The following SEC16B variants were observed in gnomAD, a reference collection of about 807,000 sequenced individuals.
The protein encoded by SEC16B is protein transport protein Sec16B.
Under a neutral mutation model 141.8 loss-of-function variants are expected in SEC16B, and 115 were observed. That is an observed-to-expected ratio of 0.81 (90% CI 0.70 to 0.95). The LOEUF (loss-of-function observed/expected upper bound fraction) is 0.95. Ranked by LOEUF, SEC16B falls within the 40% of genes least tolerant of loss-of-function variation. The pLI is 0.00. For synonymous variants in SEC16B, 493 were observed against 492.5 expected, an observed-to-expected ratio of 1.00 and a Z score of -0.01; for missense variants, 1,291 against 1,312.3, an observed-to-expected ratio of 0.98 and a Z score of 0.25.
At position 177,930,595 on chromosome 1, in the gene SEC16B, G is replaced by T. The variant is rs772309999; in HGVS notation, c.3061C>A (p.Pro1021Thr). ...CSNPGVLLPP[P>T]ALKGAVPLYN... ...AGAGGAACAGCCCCTTTTAAGGCAG[G>T]TGGAGGAAGAAGAACACCAGGGTTG... is the stretch of plus-strand genomic sequence containing the variant. Residue 1021 changes from proline (P) to threonine (T), a missense_variant, in exon 25 of 26, where the codon CCT becomes ACT. Pro to Thr is a conservative substitution (Grantham distance 38). This residue lies in a region of SEC16B where 605 missense variants were observed against 614.1 expected (regional missense o/e 0.99). Coordinates refer to ENST00000308284, the MANE Select transcript of SEC16B (RefSeq NM_033127.4). 6.2e-6 allele frequency: 10 copies of T among 1,613,848 alleles called. No individual in the cohort carries two copies. The highest frequency in any genetic ancestry group is 8.5e-6 in the Non-Finnish European group (10 of 1,179,848).
intron 12 of SEC16B, chr1:177,948,350 C>T (rs1651899759): frequency 7.7e-7 from 1 of 1,304,366 alleles, no homozygotes; most frequent in African/African-American, 1.5e-5. Context: ...CACAGCCTGT[C>T]ACAGAAGTCG....
At chr1:177,975,832 C>T (rs766614694) in intron 1 of SEC16B, among the ~76,000 whole-genome samples, 8 of 152,186 alleles carry the variant, frequency 5.3e-5, no homozygotes, top group Admixed American at 2.6e-4. Context: ...GGATATGGAA[C>T]TCTCATGGCC....
At chr1:177,948,334 A>G in intron 12 of SEC16B, 1 of 1,301,248 alleles carries the variant, frequency 7.7e-7, no homozygotes, top group Non-Finnish European at 1.0e-6. Flanking sequence ...TATGAGTAGA[A>G]GAGGCCACAG....
At position 177,933,273 on chromosome 1, in the gene SEC16B, G is replaced by A. The variant is rs1180753442; in HGVS notation, c.2764C>T (p.Pro922Ser). The A allele has an allele frequency of 4.4e-6, 7 of 1,599,604 alleles. No homozygotes were observed. The highest frequency in any genetic ancestry group is 6.0e-6 in the Non-Finnish European group (7 of 1,173,462). ...FGWFSWFRSKPTKNASPAGDE... is the reference protein window; with the variant it reads ...FGWFSWFRSKSTKNASPAGDE... ...CCAGCGGGGGATGCGTTCTTGGTGG[G>A]CTTCGATCGAAACCAGCTGAACCAG... The change falls in exon 22 of 26, where the codon CCC (proline) becomes TCC (serine). Residue 922 changes from proline to serine, a missense_variant. Pro to Ser is a moderately conservative substitution (Grantham distance 74). This residue lies in a region of SEC16B where 605 missense variants were observed against 614.1 expected (regional missense o/e 0.99). Coordinates refer to ENST00000308284, the MANE Select transcript of SEC16B (RefSeq NM_033127.4).
chr1:177,947,904 GT>G lies in SEC16B; in HGVS notation c.1583del (p.His528ProfsTer4). On this transcript the variant is annotated frameshift_variant, in exon 13 of 26. Transcript: ENST00000308284. LOFTEE classifies it high-confidence loss of function. ...CCTGATTCGACAGAATCACAGCCAAGTGAGGCCTCCAGTCTCCCCACTGCTT... is the reference window on the plus strand; with the variant it reads ...CCTGATTCGACAGAATCACAGCCAAGGAGGCCTCCAGTCTCCCCACTGCTT... The part of the protein sequence containing the change: ...GEKQWGDWRP[H>X]LAVILSNQAG... 1.3e-6 allele frequency: 2 copies of G among 1,558,916 alleles called. No individual in the cohort carries two copies. Among genetic ancestry groups the G allele is most frequent in the African/African-American group, 2.7e-5 (2 of 73,370 alleles).
chr1:177,940,994 T>C (rs560489865), intron 16 of SEC16B, among the ~76,000 whole-genome samples: 4 of 152,232 alleles, frequency 2.6e-5, no homozygotes, highest in Non-Finnish European at 4.4e-5. Context: ...TCTGCAAAGC[T>C]GTCTGCTCTG....
Position 177,933,528 on chromosome 1 carries a change from T to C in SEC16B, c.2680A>G (p.Thr894Ala). ...TCTCCGAGCTTGCCTCTCTGGGCAG[T>C]ATTTCGGGGAGAGTTTTTATCAGCC... ...DEADKNSPRN[T>A]AQRGKLGDGK... Residue 894 changes from threonine (T) to alanine (A), a missense_variant, in exon 21 of 26, where the codon ACT becomes GCT. By Grantham distance (58) the Thr-to-Ala change is moderately conservative. Coordinates refer to ENST00000308284, the MANE Select transcript of SEC16B (RefSeq NM_033127.4). The C allele has an allele frequency of 6.2e-7, 1 of 1,613,912 alleles. No individual in the cohort carries two copies. The highest frequency in any genetic ancestry group is 8.5e-7 in the Non-Finnish European group (1 of 1,179,868).
chr1:177,962,273 T>C (rs914852784), intron 5 of SEC16B, among the ~76,000 whole-genome samples: 1 of 152,016 alleles, frequency 6.6e-6, no homozygotes, highest in African/African-American at 2.4e-5. Context: ...GGTTTCACCA[T>C]GTTGGCCAGG....
rs941274636 is a variant in SEC16B at position 177,937,497 on chromosome 1, C to T, written c.2220G>A (p.Gln740=). 3.2e-6 allele frequency: 5 copies of T among 1,555,538 alleles called. No individual in the cohort carries two copies. In the African/African-American group the frequency reaches 5.5e-5, roughly 17 times the overall value. The part of the protein sequence containing the change: ...GGTTTENTFY[Q]DFSGCQGYSE... ...AGTAGCCTTGACATCCAGAAAAGTC[C>T]TGGTAGAAAGTGTTTTCTAAGGACG... Residue 740 remains glutamine (Q), a synonymous_variant, in exon 19 of 26, where the codon CAG becomes CAA. Transcript: ENST00000308284.
intron 12 of SEC16B, among the ~76,000 whole-genome samples, chr1:177,949,216 G>A (rs1651972441): frequency 6.6e-6 from 1 of 152,096 alleles, no homozygotes; most frequent in Non-Finnish European, 1.5e-5. Flanking sequence ...AATAATAGCA[G>A]TTCTCATGTG....
At chr1:177,968,080 C>T (rs1182402237) in intron 1 of SEC16B, 41 bp from the exon 2 acceptor site, 3 of 1,226,178 alleles carry the variant, frequency 2.4e-6, no homozygotes, top group African/African-American at 3.0e-5. Context: ...CACTTGAAGC[C>T]TATATCCAAA....
intron 1 of SEC16B, among the ~76,000 whole-genome samples, chr1:177,980,609 G>T (rs1457332951): frequency 6.6e-6 from 1 of 152,092 alleles, no homozygotes; most frequent in Non-Finnish European, 1.5e-5. Context: ...AGGTGAACTT[G>T]TTCCTTCTCT....
At chr1:177,932,885 A>G (rs1354089712) in intron 22 of SEC16B, 79 bp from the exon 23 acceptor site, 43 of 1,376,502 alleles carry the variant, frequency 3.1e-5, no homozygotes, top group Non-Finnish European at 4.3e-5. Context: ...GTGTTCCCAC[A>G]CTCACGATGG....
chr1:177,932,843 T>C (rs376451376), intron 22 of SEC16B, 37 bp from the exon 23 acceptor site: 32 of 1,567,230 alleles, frequency 2.0e-5, no homozygotes, highest in African/African-American at 5.4e-5. Context: ...ATTGGCAACA[T>C]TGGCAGTTAA....
chr1:177,951,934 T>G lies in SEC16B; in HGVS notation c.1525A>C (p.Arg509=), dbSNP rs1252930239. Residue 509 remains arginine (R), a synonymous_variant, in exon 12 of 26, where the codon AGG becomes CGG. Coordinates refer to ENST00000308284, the MANE Select transcript of SEC16B (RefSeq NM_033127.4). The part of the protein sequence containing the change: ...LQTLFQLMSG[R]IPQAATCCGE... The stretch of plus-strand genomic sequence containing the variant: ...GGTACCGTGGCTGCCTGTGGAATCC[T>G]CCCCGACATGAGCTGGAAGAGGGTC... 6.2e-7 allele frequency: 1 copy of G among 1,606,004 alleles called. No individual in the cohort carries two copies. Among genetic ancestry groups the G allele is most frequent in the Admixed American group, 1.7e-5 (1 of 59,104 alleles).
intron 1 of SEC16B, among the ~76,000 whole-genome samples, chr1:177,977,470 G>A (rs1043682180): frequency 6.6e-6 from 1 of 152,140 alleles, no homozygotes; most frequent in Non-Finnish European, 1.5e-5. Flanking sequence ...GGTACCTAGG[G>A]GGCTAGTGAC....
intron 12 of SEC16B, among the ~76,000 whole-genome samples, chr1:177,949,383 A>AACACACACACACAC (rs61635250): frequency 2.0e-4 from 28 of 136,844 alleles, no homozygotes; most frequent in African/African-American, 7.2e-4. Context: ...TCCCTTGCTA[A>AACACACACACACAC]ACACACACAC....
At chr1:177,963,708 C>T (rs1393435702) in intron 5 of SEC16B, among the ~76,000 whole-genome samples, 1 of 152,154 alleles carries the variant, frequency 6.6e-6, no homozygotes, top group Non-Finnish European at 1.5e-5. Context: ...TTTTGTGGCC[C>T]AGCTGGCGCA....
chr1:177,958,412 T>TG, intron 9 of SEC16B, 50 bp from the exon 10 acceptor site: 1 of 1,431,234 alleles, frequency 7.0e-7, no homozygotes, highest in Non-Finnish European at 9.3e-7. Flanking sequence ...GTCCTCAGGC[T>TG]GGCAGCCCCA....
Sources: allele counts gnomAD v4.1 joint callset (sites outside exome capture counted in the v4.1 genomes callset), GRCh38; gene constraint gnomAD v4.1.1; regional missense constraint gnomAD v4.1.1; transcripts MANE v1.5; gene names NCBI Gene and HGNC (gene_info 2026-07-23, HGNC 2026-07-21).